The following CENPC variants were observed in gnomAD, a reference collection of about 807,000 sequenced individuals.
CENPC encodes the protein CENP-C 1.
Under a neutral mutation model 112.1 loss-of-function variants are expected in CENPC, and 63 were observed. The ratio of observed to expected loss-of-function variants is 0.56; its 90% CI spans 0.46 to 0.69. The LOEUF is 0.69. Among genes scored for constraint, CENPC ranks in the 30% least tolerant of loss-of-function variants. CENPC has a pLI of 0.00. For synonymous variants in CENPC, 333 were observed against 367.6 expected, an observed-to-expected ratio of 0.91 and a Z score of 1.08; for missense variants, 1,000 against 1,103.8, an observed-to-expected ratio of 0.91 and a Z score of 1.33.
intron 17 of CENPC, among the ~76,000 whole-genome samples, chr4:67,489,626 T>G (rs902854842): frequency 6.6e-6 from 1 of 152,080 alleles, no homozygotes; most frequent in East Asian, 1.9e-4. Flanking sequence ...ATTTCTCTAC[T>G]GCATTATCAT....
intron 11 of CENPC, 81 bp downstream of exon 11, chr4:67,506,707 A>T: frequency 8.9e-7 from 1 of 1,129,720 alleles, no homozygotes; most frequent in Non-Finnish European, 1.2e-6. Context: ...TAACAAAATT[A>T]AAATAAAGTT....
intron 5 of CENPC, among the ~76,000 whole-genome samples, chr4:67,522,232 A>C (rs1247284145): frequency 2.0e-5 from 3 of 152,272 alleles, no homozygotes; most frequent in Admixed American, 1.3e-4. Flanking sequence ...AGTAGTATTT[A>C]AGTTGGGAAT....
At chr4:67,496,805 TATC>T (rs1725443171) in intron 12 of CENPC, among the ~76,000 whole-genome samples, 1 of 152,128 alleles carries the variant, frequency 6.6e-6, no homozygotes, top group African/African-American at 2.4e-5. Context: ...AATGACTACA[TATC>T]ATTGATTTGT....
chr4:67,469,782 CAG>C lies in CENPC; in HGVS notation c.*2821_*2822del, dbSNP rs1335500738. On this transcript the variant is annotated 3_prime_UTR_variant, in exon 19 of 19. Coordinates refer to ENST00000273853, the MANE Select transcript of CENPC (RefSeq NM_001812.4). The stretch of plus-strand genomic sequence containing the variant: ...TGGGGGCACTCTCCAAAACTGGACA[CAG>C]AGAGTTAAGCTCAAAAAGAACAGTG... 2.0e-5 allele frequency: 3 copies of C among 152,194 alleles called. No individual in the cohort carries two copies. Among genetic ancestry groups the C allele is most frequent in the African/African-American group, 7.2e-5 (3 of 41,454 alleles). The allele number at this position is 152,194 out of a possible 1,614,324, so 9.4% of individuals were successfully genotyped here.
At chr4:67,495,053 C>T (rs1021086026) in intron 13 of CENPC, 106 bp downstream of exon 13, 1 of 1,079,848 alleles carries the variant, frequency 9.3e-7, no homozygotes, top group Admixed American at 3.7e-5. Flanking sequence ...CCAATTAATC[C>T]ACATAATCGT....
chr4:67,526,330 TA>T (rs149221658), intron 5 of CENPC, among the ~76,000 whole-genome samples: 126 of 149,836 alleles, frequency 8.4e-4, no homozygotes, highest in African/African-American at 2.9e-3. Context: ...GAACTTAAAG[TA>T]AAAAAAATAT....
intron 5 of CENPC, among the ~76,000 whole-genome samples, chr4:67,528,405 CCAT>C (rs1355291003): frequency 2.6e-5 from 4 of 152,128 alleles, no homozygotes; most frequent in South Asian, 2.1e-4. Context: ...CACTGTGCAA[CCAT>C]CATCATTTCT....
At chr4:67,507,937 C>T (rs761313784) in intron 10 of CENPC, among the ~76,000 whole-genome samples, 1 of 152,060 alleles carries the variant, frequency 6.6e-6, no homozygotes, top group Admixed American at 6.6e-5. Flanking sequence ...TAATGATATA[C>T]GCTAATATAT....
intron 4 of CENPC, among the ~76,000 whole-genome samples, chr4:67,536,909 CA>C (rs372829037): frequency 1.1e-3 from 163 of 151,348 alleles, no homozygotes; most frequent in African/African-American, 3.7e-3. Context: ...GCATAGCAGG[CA>C]CAGTGGCATG....
intron 17 of CENPC, among the ~76,000 whole-genome samples, chr4:67,488,163 T>C (rs1358073091): frequency 2.6e-5 from 4 of 151,828 alleles, no homozygotes; most frequent in African/African-American, 9.7e-5. Context: ...AAAGAACTTT[T>C]ATCTTGCATA....
intron 4 of CENPC, among the ~76,000 whole-genome samples, chr4:67,533,741 T>TA (rs1369055759): frequency 6.6e-6 from 1 of 152,094 alleles, no homozygotes; most frequent in Non-Finnish European, 1.5e-5. Context: ...AAGACACCAC[T>TA]AAAAAAAAGG....
rs147724836 is a variant in CENPC, at chr4:67,493,864, A to G, written c.2290+20T>C. On this transcript the variant is annotated intron_variant, in intron 14 of 18. Transcript: ENST00000273853. Reference sequence around the variant, plus strand: ...AACAAATTTTTTATTGACAGATATTATAACATAAATAAGTTTTACCTGATG... The same window carrying G: ...AACAAATTTTTTATTGACAGATATTGTAACATAAATAAGTTTTACCTGATG... The G allele has an allele frequency of 2.6e-4, 391 of 1,528,848 alleles. 1 individual carries two copies. In the African/African-American group the frequency reaches 4.5e-3, roughly 18 times the overall value. The allele number at this position is 1,528,848 out of a possible 1,614,324, so 94.7% of individuals were successfully genotyped here.
chr4:67,472,397 C>A lies in CENPC; in HGVS notation c.*208G>T. ...ATAAAAATAATATCATAAATATGGA[C>A]ATCGCTACAAGCTATTATGTACAGT... On this transcript the variant is annotated 3_prime_UTR_variant, in exon 19 of 19. Transcript: ENST00000273853. 2.2e-6 allele frequency: 1 copy of A among 461,932 alleles called. No homozygotes were observed. Among genetic ancestry groups the A allele is most frequent in the Non-Finnish European group, 3.3e-6 (1 of 301,824 alleles). The allele number at this position is 461,932 out of a possible 1,614,324, so 28.6% of individuals were successfully genotyped here. A position where few individuals can be genotyped will look rare whatever the true frequency, so the allele number is the denominator to read the frequency against.
intron 6 of CENPC, 59 bp from the exon 7 acceptor site, chr4:67,518,427 T>G (rs1404795657): frequency 1.1e-5 from 16 of 1,439,982 alleles, no homozygotes; most frequent in Non-Finnish European, 1.8e-6. Flanking sequence ...GAGTTATAAG[T>G]CTTCCTGAAC....
rs550201266 is a variant in CENPC, at chr4:67,493,900, A to G, written c.2274T>C (p.Tyr758=). 8.1e-6 allele frequency: 13 copies of G among 1,611,622 alleles called. No individual in the cohort carries two copies. The highest frequency in any genetic ancestry group is 1.7e-4 in the Middle Eastern group (1 of 6,056). ...AAGTTTTACCTGATGGCCTTCCTTGATAATCTATTCGCTCTCCTCGCCAGT... is the reference window on the plus strand; with the variant it reads ...AAGTTTTACCTGATGGCCTTCCTTGGTAATCTATTCGCTCTCCTCGCCAGT... ...LEYWRGERID[Y]QGRPSGGFVI... is the part of the protein sequence containing the mutation. The change falls in exon 14 of 19, where the codon TAT becomes TAC. Residue 758 remains tyrosine, a synonymous_variant. Transcript: ENST00000273853.
Position 67,514,177 on chromosome 4 carries a change from T to C in CENPC, c.1341A>G (p.Ser447=), listed in dbSNP as rs760171752. 6 of 1,612,752 alleles carry C rather than the reference T, an allele frequency of 3.7e-6. No homozygotes were observed. The South Asian group carries it at 6.6e-5, about 18-fold the overall frequency. Residue 447 remains serine, a synonymous_variant, in exon 8 of 19, where the codon TCA becomes TCG. Coordinates refer to ENST00000273853, the MANE Select transcript of CENPC (RefSeq NM_001812.4). ...GQSKDENIHT[S]HITQDEFQRN... is the part of the protein sequence containing the mutation. ...TTTGAAATTCGTCTTGGGTAATATG[T>C]GATGTATGTATGTTTTCATCTTTAG...
intron 9 of CENPC, chr4:67,510,919 T>C: frequency 4.5e-6 from 2 of 442,666 alleles, no homozygotes; most frequent in Non-Finnish European, 9.1e-6. Context: ...ATAAGTGTTT[T>C]TTGATAGTTT....
intron 5 of CENPC, among the ~76,000 whole-genome samples, chr4:67,526,607 T>C (rs1434636006): frequency 6.6e-6 from 1 of 152,080 alleles, no homozygotes; most frequent in African/African-American, 2.4e-5. Flanking sequence ...AACACCAATT[T>C]TACACAGTTC....
intron 14 of CENPC, 96 bp from the exon 15 acceptor site, chr4:67,493,093 A>G: frequency 1.0e-6 from 1 of 990,544 alleles, no homozygotes; most frequent in Non-Finnish European, 1.5e-6. Flanking sequence ...CTTTCAAAGT[A>G]CCAAAGAATA....
Sources: gnomAD v4.1 joint callset for allele counts (sites outside exome capture counted in the v4.1 genomes callset) on GRCh38, gnomAD v4.1.1 for gene constraint, MANE v1.5 for transcripts, NCBI Gene and HGNC (gene_info 2026-07-23, HGNC 2026-07-21) for gene names.